MUC5B: variants seen among roughly 807,000 people sequenced by gnomAD.
The protein encoded by MUC5B is mucin-5B.
MUC5B carries 116 observed loss-of-function variants against 376.9 expected under a neutral mutation model. The observed-to-expected ratio is 0.31, with a 90% CI of 0.26 to 0.36. MUC5B has a LOEUF of 0.36. Among genes scored for constraint, MUC5B ranks in the 10% least tolerant of loss-of-function variants. The probability of loss-of-function intolerance (pLI) is 1.00; values close to 1 mark genes in which losing one functional copy is unlikely to be tolerated. For missense variants in MUC5B, 7,165 were observed against 7,769.9 expected, an observed-to-expected ratio of 0.92 and a Z score of 2.93; for synonymous variants, 3,517 against 3,390.9, an observed-to-expected ratio of 1.04 and a Z score of -1.29.
rs779624337 is a variant in MUC5B, at chr11:1,240,332, G to A, written c.3927G>A (p.Thr1309=). ...AVACPGTPAT[T]PFTFTTAWVP... ...CATGTCCTGGAACTCCAGCCACAAC[G>A]CCATTCACCTTCACCACCGCCTGGG... The change falls in exon 30 of 49, where the codon ACG becomes ACA. Residue 1309 remains threonine, a synonymous_variant. Coordinates refer to ENST00000529681, the MANE Select transcript of MUC5B (RefSeq NM_002458.3). 1.1e-5 allele frequency: 18 copies of A among 1,610,018 alleles called. No homozygotes were observed. Among genetic ancestry groups the A allele is most frequent in the Non-Finnish European group, 1.4e-5 (17 of 1,177,072 alleles).
intron 17 of MUC5B, 24 bp downstream of exon 17, chr11:1,232,794 G>T (rs1403705532): frequency 1.9e-6 from 3 of 1,576,608 alleles, no homozygotes; most frequent in Non-Finnish European, 8.6e-7. Flanking sequence ...CTGGGGGTGG[G>T]ATGTGTCCAC....
rs201748966 is a variant in MUC5B, at chr11:1,250,004, C to A, written c.13124C>A (p.Ala4375Asp). ...ACCACGAAGGCCACCACGACAAGGG[C>A]CACCAGTTCCACGTCCACCCCCTCC... is the stretch of plus-strand genomic sequence containing the variant. Reference protein sequence around the residue: ...VLTTKATTTRATSSTSTPSST... With the variant: ...VLTTKATTTRDTSSTSTPSST... Residue 4375 changes from alanine (A) to aspartate (D), a missense_variant, in exon 31 of 49, where the codon GCC becomes GAC. Ala to Asp is a moderately radical substitution (Grantham distance 126, BLOSUM62 -2). This residue lies in a region of MUC5B where 431 missense variants were observed against 390.4 expected (regional missense o/e 1.10). Transcript: ENST00000529681. The A allele has an allele frequency of 5.5e-5, 88 of 1,611,768 alleles. No individual in the cohort carries two copies. Among genetic ancestry groups the A allele is most frequent in the Non-Finnish European group, 6.8e-5 (80 of 1,178,782 alleles).
At position 1,247,488 on chromosome 11, in the gene MUC5B, C is replaced by T. The variant is rs771106328; in HGVS notation, c.10608C>T (p.Thr3536=). 1 of 1,608,358 alleles carries T rather than the reference C, an allele frequency of 6.2e-7. No individual in the cohort carries two copies. Among genetic ancestry groups the T allele is most frequent in the East Asian group, 2.2e-5 (1 of 44,852 alleles). Reference sequence around the variant, plus strand: ...CCACCCCGGGCCACACCAGGGGCACCTCCAGGACCACAGCCACAGCCACAC... The same window carrying T: ...CCACCCCGGGCCACACCAGGGGCACTTCCAGGACCACAGCCACAGCCACAC... ...GTTTPGHTRG[T]SRTTATATPS... is the part of the protein sequence containing the mutation. Residue 3536 remains threonine, a synonymous_variant, in exon 31 of 49, where the codon ACC becomes ACT. Transcript: ENST00000529681.
chr11:1,261,356 G>A, intron 48 of MUC5B, 33 bp from the exon 49 acceptor site: 2 of 1,525,754 alleles, frequency 1.3e-6, no homozygotes, highest in Non-Finnish European at 8.8e-7. Context: ...CGGGGCCAAG[G>A]TGGCTGATGT....
Position 1,248,419 on chromosome 11 carries a change from A to G in MUC5B, c.11539A>G (p.Thr3847Ala), listed in dbSNP as rs1198895094. ...CACCACGGCCACCACAACCAGGGCC[A>G]CCGGCTCTGTGGCCACCCCCTCTTC... The part of the protein sequence containing the change: ...LTTTATTTRA[T>A]GSVATPSSTP... The change falls in exon 31 of 49, where the codon ACC becomes GCC. Residue 3847 changes from threonine (T) to alanine (A), a missense_variant. Thr to Ala is a moderately conservative substitution (Grantham distance 58, BLOSUM62 0). Around this residue, in one of 31 missense-constraint regions of MUC5B, gnomAD observed 242 missense variants for 199.0 expected, o/e 1.22. Transcript: ENST00000529681. 1.2e-6 allele frequency: 2 copies of G among 1,612,024 alleles called. No individual in the cohort carries two copies. The highest frequency in any genetic ancestry group is 1.1e-5 in the South Asian group (1 of 90,988).
intron 22 of MUC5B, 35 bp downstream of exon 22, chr11:1,235,258 G>A: frequency 1.2e-6 from 2 of 1,610,712 alleles, no homozygotes; most frequent in Non-Finnish European, 1.7e-6. Flanking sequence ...TGCAGGCCGG[G>A]CACACTCCAG....
Position 1,242,859 on chromosome 11 carries a change from C to T in MUC5B, c.5979C>T (p.Thr1993=), listed in dbSNP as rs767032586. 1 of 1,613,412 alleles carries T rather than the reference C, an allele frequency of 6.2e-7. No homozygotes were observed. Among genetic ancestry groups the T allele is most frequent in the East Asian group, 2.2e-5 (1 of 44,866 alleles). ...CTTCCTCCCTGGGCACCACCTGGAC[C>T]CGCCTATCACAGACCACCACACCCA... is the stretch of plus-strand genomic sequence containing the variant. ...IPSSSLGTTW[T]RLSQTTTPTA... is the part of the protein sequence containing the mutation. The change falls in exon 31 of 49, where the codon ACC becomes ACT. Residue 1993 remains threonine (T), a synonymous_variant. Transcript: ENST00000529681.
rs749379851 is a variant in MUC5B, at chr11:1,257,672, C to T, written c.16412C>T (p.Pro5471Leu). ...NRPGFVTVTR[P>L]RAENPCCPET... ...CCCGGCTTCGTAACCGTGACCAGGC[C>T]CCGGGCCGAGAACCCCTGCTGCCCC... is the stretch of plus-strand genomic sequence containing the variant. Residue 5471 changes from proline (P) to leucine (L), a missense_variant, in exon 41 of 49, where the codon CCC becomes CTC. Coordinates refer to ENST00000529681, the MANE Select transcript of MUC5B (RefSeq NM_002458.3). This position sits in a 1 kb window ranked among gnomAD's most constrained non-coding sequence, Gnocchi z 8.9. The T allele has an allele frequency of 1.9e-6, 3 of 1,578,004 alleles. No homozygotes were observed. The Admixed American group carries it at 5.3e-5, about 28-fold the overall frequency.
chr11:1,258,147 G>C lies in MUC5B; in HGVS notation c.16499G>C (p.Gly5500Ala), dbSNP rs1862893971. Residue 5500 changes from glycine (G) to alanine (A), a missense_variant, in exon 42 of 49, where the codon GGG becomes GCG. By Grantham distance (60) the Gly-to-Ala change is moderately conservative (BLOSUM62 0). This residue lies in a region of MUC5B where 842 missense variants were observed against 1,016.9 expected (regional missense o/e 0.83). Transcript: ENST00000529681. This position sits in a 1 kb window ranked among gnomAD's most constrained non-coding sequence, Gnocchi z 5.5. ...CPQSLPVCPP[G>A]QESICTQEEG... ...CAGAGCCTGCCTGTGTGCCCGCCAG[G>C]GCAGGAGTCCATCTGCACCCAGGAG... 6.2e-7 allele frequency: 1 copy of C among 1,601,966 alleles called. No individual in the cohort carries two copies. The highest frequency in any genetic ancestry group is 8.5e-7 in the Non-Finnish European group (1 of 1,176,276).
At position 1,243,059 on chromosome 11, in the gene MUC5B, C is replaced by T. The variant is rs1461294795; in HGVS notation, c.6179C>T (p.Thr2060Ile). 1.9e-6 allele frequency: 3 copies of T among 1,610,974 alleles called. No individual in the cohort carries two copies. The highest frequency in any genetic ancestry group is 2.7e-5 in the African/African-American group (2 of 74,594). Residue 2060 changes from threonine (T) to isoleucine (I), a missense_variant, in exon 31 of 49, where the codon ACA (threonine) becomes ATA (isoleucine). By Grantham distance (89) the Thr-to-Ile change is moderately conservative. This residue lies in a region of MUC5B where 897 missense variants were observed against 779.6 expected (regional missense o/e 1.15). Transcript: ENST00000529681. ...CCAACTACCACAACCACGGGCTTCA[C>T]AGCCACCCCCTCCTCCAGCCCAGGG... Reference protein sequence around the residue: ...KVPTTTTTGFTATPSSSPGTA... With the variant: ...KVPTTTTTGFIATPSSSPGTA...
In MUC5B at chr11:1,258,417, G is replaced by A. The variant is rs1322633386; in HGVS notation, c.16593+50G>A. On this transcript the variant is annotated intron_variant, in intron 43 of 48. Coordinates refer to ENST00000529681, the MANE Select transcript of MUC5B (RefSeq NM_002458.3). This position sits in a 1 kb window ranked among gnomAD's most constrained non-coding sequence, Gnocchi z 5.5. ...GTGGCCCTGGGGCCTGAACATGTGT[G>A]TGGGATGCCCCGGGGCTCTCTGAGC... 10 of 1,600,910 alleles carry A rather than the reference G, an allele frequency of 6.2e-6. No individual in the cohort carries two copies. The highest frequency in any genetic ancestry group is 1.7e-5 in the Admixed American group (1 of 58,668).
chr11:1,223,971 G>T (rs1231138491), intron 1 of MUC5B, among the ~76,000 whole-genome samples: 1 of 152,236 alleles, frequency 6.6e-6, no homozygotes, highest in Non-Finnish European at 1.5e-5. Flanking sequence ...GCTCCCTGGG[G>T]TCTCTCTCCA....
In MUC5B at chr11:1,246,221, C is replaced by T. The variant is rs1201293714; in HGVS notation, c.9341C>T (p.Thr3114Ile). 4.3e-6 allele frequency: 7 copies of T among 1,612,618 alleles called. No individual in the cohort carries two copies. The highest frequency in any genetic ancestry group is 5.9e-6 in the Non-Finnish European group (7 of 1,179,468). ...HTSTVLTTKA[T>I]TTRATSSMST... The stretch of plus-strand genomic sequence containing the variant: ...TCCACAGTGCTGACCACGAAGGCCA[C>T]CACGACAAGGGCCACCAGTTCCATG... The change falls in exon 31 of 49, where the codon ACC becomes ATC. Residue 3114 changes from threonine to isoleucine, a missense_variant. By Grantham distance (89) the Thr-to-Ile change is moderately conservative (BLOSUM62 -1). This residue lies in a region of MUC5B where 939 missense variants were observed against 770.6 expected (regional missense o/e 1.22). Transcript: ENST00000529681.
At chr11:1,256,064 C>T in intron 37 of MUC5B, 92 bp from the exon 38 acceptor site, 2 of 648,064 alleles carry the variant, frequency 3.1e-6, no homozygotes, top group Non-Finnish European at 5.7e-6. Flanking sequence ...CCCCAGACTC[C>T]TCGGCCTCTC....
In MUC5B at chr11:1,250,772, C is replaced by A. The variant is rs1434374614; in HGVS notation, c.13892C>A (p.Thr4631Lys). ...TTTTPTTTTPTTSGSTVTPSS... is the reference protein window; with the variant it reads ...TTTTPTTTTPKTSGSTVTPSS... ...ACCACACCCACAACCACCACACCCA[C>A]AACCAGTGGCTCCACGGTGACCCCC... The change falls in exon 31 of 49, where the codon ACA (threonine) becomes AAA (lysine). Residue 4631 changes from threonine (T) to lysine (K), a missense_variant. This residue lies in a region of MUC5B where 730 missense variants were observed against 592.7 expected (regional missense o/e 1.23). Coordinates refer to ENST00000529681, the MANE Select transcript of MUC5B (RefSeq NM_002458.3). 69 of 1,613,110 alleles carry A rather than the reference C, an allele frequency of 4.3e-5. 2 individuals are homozygous for A. The highest frequency in any genetic ancestry group is 5.8e-5 in the Non-Finnish European group (69 of 1,179,490).
chr11:1,255,369 G>T lies in MUC5B; in HGVS notation c.15891-14G>T. On this transcript the variant is annotated splice_polypyrimidine_tract_variant and intron_variant, in intron 36 of 48. Transcript: ENST00000529681. ...GGGCTGGGGGCCCTCCGTCCTGATC[G>T]CTTTGCCCCACAGGGTCTTTGCTGA... is the stretch of plus-strand genomic sequence containing the variant. 1 of 1,580,914 alleles carries T rather than the reference G, an allele frequency of 6.3e-7. No homozygotes were observed. The highest frequency in any genetic ancestry group is 8.6e-7 in the Non-Finnish European group (1 of 1,160,242).
In MUC5B at chr11:1,230,502, AGCAGCTTCACCGTGCTGGCTGAGCTGCG is replaced by A; in HGVS notation, c.1374_1401del (p.Ser458ArgfsTer5). On this transcript the variant is annotated frameshift_variant, in exon 12 of 49. Coordinates refer to ENST00000529681, the MANE Select transcript of MUC5B (RefSeq NM_002458.3). LOFTEE classifies it high-confidence loss of function. ...TCCTTCTCCCCAGAAATGTGCCGAC[AGCAGCTTCACCGTGCTGGCTGAGCTGCG>A]GAAGTGCGGCCTGACGGACAACGAG... The A allele has an allele frequency of 6.2e-7, 1 of 1,607,812 alleles. No individual in the cohort carries two copies. Among genetic ancestry groups the A allele is most frequent in the Non-Finnish European group, 8.5e-7 (1 of 1,176,932 alleles).
In MUC5B at chr11:1,235,113, A is replaced by G; in HGVS notation, c.2659A>G (p.Ser887Gly). The G allele has an allele frequency of 6.2e-7, 1 of 1,612,010 alleles. No homozygotes were observed. The change falls in exon 22 of 49, where the codon AGC (serine) becomes GGC (glycine). Residue 887 changes from serine to glycine, a missense_variant. Coordinates refer to ENST00000529681, the MANE Select transcript of MUC5B (RefSeq NM_002458.3). ...CTGCAGGAACCGGAGGTGGGAGTGC[A>G]GCCACCGGCTCTGCCTGGGCACCTG... Reference protein sequence around the residue: ...CTCRNRRWECSHRLCLGTCVA... With the variant: ...CTCRNRRWECGHRLCLGTCVA...
intron 48 of MUC5B, among the ~76,000 whole-genome samples, chr11:1,260,994 G>T (rs1862982665): frequency 6.6e-6 from 1 of 152,260 alleles, no homozygotes; most frequent in Non-Finnish European, 1.5e-5. Context: ...GTGTCCCCCT[G>T]GGGAGGGTGG....
Sources: gnomAD v4.1 joint callset for allele counts (sites outside exome capture counted in the v4.1 genomes callset) on GRCh38, gnomAD v4.1.1 for gene constraint, gnomAD v4.1.1 regional missense constraint, Gnocchi (gnomAD v3.1) non-coding constraint, MANE v1.5 for transcripts, NCBI Gene and HGNC (gene_info 2026-07-23, HGNC 2026-07-21) for gene names.